PHIP: variants seen among roughly 807,000 people sequenced by gnomAD.
The protein encoded by PHIP is PH-interacting protein.
PHIP carries 54 observed loss-of-function variants against 236.8 expected under a neutral mutation model. The ratio of observed to expected loss-of-function variants is 0.23; its 90% CI spans 0.18 to 0.29. The LOEUF is 0.29. Ranked by LOEUF, PHIP falls within the 10% of genes least tolerant of loss-of-function variation. The probability of loss-of-function intolerance (pLI) is 1.00; values close to 1 mark genes in which losing one functional copy is unlikely to be tolerated. For missense variants in PHIP, 1,370 were observed against 2,190.8 expected (o/e 0.63, Z 7.48); for synonymous variants, 756 against 718.9 (o/e 1.05, Z -0.83).
chr6:78,999,761 G>A (rs1317237144), intron 17 of PHIP, among the ~76,000 whole-genome samples: 1 of 151,468 alleles, frequency 6.6e-6, no homozygotes, highest in Non-Finnish European at 1.5e-5. Context: ...AAAGGTAAAA[G>A]GAAAAAGAAA....
rs202000259 is a variant in PHIP at position 79,001,945 on chromosome 6, A to G, written c.1833T>C (p.Asn611=). 5.6e-6 allele frequency: 9 copies of G among 1,613,120 alleles called. No individual in the cohort carries two copies. The South Asian group carries it at 8.8e-5, about 16-fold the overall frequency. Residue 611 remains asparagine (N), a synonymous_variant, in exon 17 of 40, where the codon AAT becomes AAC. Coordinates refer to ENST00000275034, the MANE Select transcript of PHIP (RefSeq NM_017934.7). ...RYQRLVPGRE[N]CREEQLIPQM... ...GAGGGATGAGTTGCTCCTCCCTGCA[A>G]TTTTCACGGCCAGGAACTAATCTTT...
intron 4 of PHIP, among the ~76,000 whole-genome samples, chr6:79,065,376 A>G (rs1773573845): frequency 6.6e-6 from 1 of 152,100 alleles, no homozygotes; most frequent in Non-Finnish European, 1.5e-5. Context: ...TTATTTTTCT[A>G]GCTTCACCTG....
chr6:79,028,385 T>G (rs776951041), intron 7 of PHIP, among the ~76,000 whole-genome samples: 4 of 152,036 alleles, frequency 2.6e-5, no homozygotes, highest in Non-Finnish European at 5.9e-5. Flanking sequence ...CAGGAGAGAA[T>G]AAGTGGTAAC....
chr6:79,004,494 C>A, intron 15 of PHIP: 1 of 700,514 alleles, frequency 1.4e-6, no homozygotes, highest in Non-Finnish European at 1.8e-6. Flanking sequence ...CTCAGTGCTT[C>A]TTCAGACTAT....
intron 7 of PHIP, among the ~76,000 whole-genome samples, chr6:79,028,157 A>G (rs1771497577): frequency 6.6e-6 from 1 of 152,082 alleles, no homozygotes; most frequent in Admixed American, 6.6e-5. Context: ...GGTAATTTAG[A>G]GTGTGAGGTG....
chr6:79,030,727 C>G (rs1338227446), intron 7 of PHIP, among the ~76,000 whole-genome samples: 1 of 152,108 alleles, frequency 6.6e-6, no homozygotes, highest in African/African-American at 2.4e-5. Flanking sequence ...GTAGTCAAAA[C>G]AATGATAGCA....
chr6:79,011,808 TC>T (rs1275265252), intron 15 of PHIP, among the ~76,000 whole-genome samples: 1 of 151,726 alleles, frequency 6.6e-6, no homozygotes, highest in Non-Finnish European at 1.5e-5. Flanking sequence ...ATTCCCAATC[TC>T]AAACTCTTTA....
intron 27 of PHIP, 110 bp downstream of exon 27, chr6:78,969,725 G>A (rs1014586525): frequency 1.8e-6 from 1 of 548,134 alleles, no homozygotes; most frequent in African/African-American, 1.9e-5. Flanking sequence ...CCTACAAATA[G>A]CAAAAAGATT....
In PHIP at chr6:78,983,358, G is replaced by GA. The variant is rs1768666883; in HGVS notation, c.2538-242dup. 3.9e-5 allele frequency among the ~76,000 whole-genome samples: 6 copies of GA among 152,056 alleles called. No individual in the cohort carries two copies. The South Asian group carries it at 1.0e-3, about 26-fold the overall frequency. On this transcript the variant is annotated intron_variant, in intron 22 of 39. Transcript: ENST00000275034. ...GATACATAAAGTCACAACTTTAAGT[G>GA]AAAAAACAAATTTAAGTACCTTCCA...
At chr6:78,985,546 T>C (rs1768810005) in intron 21 of PHIP, 118 bp from the exon 22 acceptor site, 9 of 714,636 alleles carry the variant, frequency 1.3e-5, no homozygotes, top group Non-Finnish European at 1.8e-5. Context: ...TAAAATTTGA[T>C]TTAAATTAGT....
chr6:79,073,544 C>A (rs569927517), intron 4 of PHIP, among the ~76,000 whole-genome samples: 1 of 152,172 alleles, frequency 6.6e-6, no homozygotes, highest in Admixed American at 6.5e-5. Context: ...GGAATCCCTA[C>A]TTCTAAAACA....
intron 7 of PHIP, among the ~76,000 whole-genome samples, chr6:79,033,062 CTT>C (rs956523810): frequency 1.4e-5 from 2 of 147,436 alleles, no homozygotes; most frequent in East Asian, 2.0e-4. Context: ...TGAAAGGAAT[CTT>C]TTTTTTTTTC....
chr6:79,063,943 A>G (rs895315051), intron 4 of PHIP, among the ~76,000 whole-genome samples: 33 of 151,930 alleles, frequency 2.2e-4, no homozygotes, highest in African/African-American at 7.5e-4. Context: ...ACTAACAAAC[A>G]ATGCTATTAT....
In PHIP at chr6:78,965,930, C is replaced by T. The variant is rs1424152134; in HGVS notation, c.3317+15G>A. 3 of 1,562,582 alleles carry T rather than the reference C, an allele frequency of 1.9e-6. No individual in the cohort carries two copies. The highest frequency in any genetic ancestry group is 2.7e-5 in the African/African-American group (2 of 74,016). On this transcript the variant is annotated intron_variant, in intron 28 of 39. Transcript: ENST00000275034. ...CAAGCCTAGGTGAACTAAAATACAA[C>T]AAATATTTCCTTACCAAACATTGTA... is the stretch of plus-strand genomic sequence containing the variant.
Position 78,966,711 on chromosome 6 carries a change from A to G in PHIP, c.3206-655T>C, listed in dbSNP as rs151211846. Among the ~76,000 whole-genome samples the G allele has an allele frequency of 6.5e-4, 99 of 152,354 alleles. 1 individual carries two copies. The South Asian group carries it at 8.1e-3, about 12-fold the overall frequency. ...TTTTTCCCAAAGACCTGAACAAGCT[A>G]TAAATGCTATGGCTTTTTCTTATCT... On this transcript the variant is annotated intron_variant, in intron 27 of 39. Transcript: ENST00000275034.
At chr6:79,071,456 AAAT>A (rs1414783671) in intron 4 of PHIP, among the ~76,000 whole-genome samples, 1 of 152,228 alleles carries the variant, frequency 6.6e-6, no homozygotes, top group Non-Finnish European at 1.5e-5. Context: ...GCTTCTCAAA[AAAT>A]AATAGAAACT....
Position 78,978,569 on chromosome 6 carries a change from A to G in PHIP, c.2889+23T>C, listed in dbSNP as rs764113136. The G allele has an allele frequency of 3.9e-6, 6 of 1,547,984 alleles. No individual in the cohort carries two copies. In the South Asian group the frequency reaches 7.5e-5, roughly 19 times the overall value. The stretch of plus-strand genomic sequence containing the variant: ...TTTAAAACTATGTGAGGAAAAATGG[A>G]TAATTTAAAACTTTTAAAGTACCTC... On this transcript the variant is annotated intron_variant, in intron 24 of 39. Coordinates refer to ENST00000275034, the MANE Select transcript of PHIP (RefSeq NM_017934.7).
intron 31 of PHIP, among the ~76,000 whole-genome samples, chr6:78,961,457 T>C (rs1432913888): frequency 1.3e-5 from 2 of 152,132 alleles, no homozygotes; most frequent in Non-Finnish European, 2.9e-5. Flanking sequence ...CTAGGAATTG[T>C]ATTTTAAGTG....
At chr6:78,978,868 A>C (rs775091732) in intron 23 of PHIP, among the ~76,000 whole-genome samples, 157 bp from the exon 24 acceptor site, 2 of 152,182 alleles carry the variant, frequency 1.3e-5, no homozygotes, top group Non-Finnish European at 2.9e-5. Flanking sequence ...CATGGGTTCC[A>C]CATCCATGCA....
Sources: allele counts gnomAD v4.1 joint callset (sites outside exome capture counted in the v4.1 genomes callset), GRCh38; gene constraint gnomAD v4.1.1; transcripts MANE v1.5; gene names NCBI Gene and HGNC (gene_info 2026-07-23, HGNC 2026-07-21).